The following CYP7B1 variants were observed in gnomAD, a reference collection of about 807,000 sequenced individuals.
CYP7B1 encodes cytochrome P450 family 7 subfamily B member 1.
A neutral mutation model predicts 42.7 loss-of-function variants in CYP7B1; 29 were observed. The observed-to-expected ratio is 0.68, with a 90% CI of 0.51 to 0.93. CYP7B1 has a LOEUF of 0.93. Among genes scored for constraint, CYP7B1 ranks in the 40% least tolerant of loss-of-function variants. The pLI is 0.00. For missense variants in CYP7B1, 655 were observed against 600.5 expected, an observed-to-expected ratio of 1.09 and a Z score of -0.95; for synonymous variants, 235 against 218.2, an observed-to-expected ratio of 1.08 and a Z score of -0.68.
intron 1 of CYP7B1, among the ~76,000 whole-genome samples, chr8:64,635,137 C>A (rs1805751602): frequency 6.6e-6 from 1 of 152,170 alleles, no homozygotes; most frequent in African/African-American, 2.4e-5. Context: ...TCAATTTTCC[C>A]CTTGTTGAGT....
At chr8:64,673,357 A>G (rs1806395352) in intron 1 of CYP7B1, among the ~76,000 whole-genome samples, 1 of 152,048 alleles carries the variant, frequency 6.6e-6, no homozygotes, top group Admixed American at 6.6e-5. Flanking sequence ...ATGGCTTCCC[A>G]TTGCCTCCAA....
At chr8:64,622,953 G>C (rs1455634332) in intron 2 of CYP7B1, among the ~76,000 whole-genome samples, 9 of 152,044 alleles carry the variant, frequency 5.9e-5, no homozygotes, top group Non-Finnish European at 8.8e-5. Context: ...GTGAGAGTGG[G>C]GAGTGAGACT....
chr8:64,717,003 AGT>A (rs1477630890), intron 1 of CYP7B1, among the ~76,000 whole-genome samples: 1 of 152,204 alleles, frequency 6.6e-6, no homozygotes. Flanking sequence ...TCTATCATAA[AGT>A]GTGTACACTT....
intron 1 of CYP7B1, among the ~76,000 whole-genome samples, chr8:64,717,689 C>CA (rs1375694905): frequency 1.3e-5 from 2 of 151,762 alleles, no homozygotes; most frequent in African/African-American, 2.4e-5. Flanking sequence ...TCTGTCTCTA[C>CA]AAAAAATACA....
At chr8:64,774,345 T>A (rs1804285810) in intron 1 of CYP7B1, among the ~76,000 whole-genome samples, 1 of 152,200 alleles carries the variant, frequency 6.6e-6, no homozygotes, top group Admixed American at 6.5e-5. Flanking sequence ...TAAATACTTG[T>A]TGACTTGAAC....
chr8:64,729,626 C>T lies in CYP7B1; in HGVS notation c.122+68840G>A, dbSNP rs920069463. 3.3e-5 allele frequency among the ~76,000 whole-genome samples: 5 copies of T among 152,198 alleles called. No individual in the cohort carries two copies. The South Asian group carries it at 6.2e-4, about 19-fold the overall frequency. On this transcript the variant is annotated intron_variant, in intron 1 of 5. Transcript: ENST00000310193. Reference sequence around the variant, plus strand: ...TTAAAACACCAGAAGACATTTTAAGCGTGAGATTTTTTCCCTTCATAAAAA... The same window carrying T: ...TTAAAACACCAGAAGACATTTTAAGTGTGAGATTTTTTCCCTTCATAAAAA...
intron 1 of CYP7B1, among the ~76,000 whole-genome samples, chr8:64,769,291 C>G (rs1317687777): frequency 6.6e-6 from 1 of 152,114 alleles, no homozygotes; most frequent in African/African-American, 2.4e-5. Context: ...CTACTTTTTT[C>G]TCCCCAGCCA....
At chr8:64,691,405 A>G (rs1806739641) in intron 1 of CYP7B1, among the ~76,000 whole-genome samples, 1 of 132,796 alleles carries the variant, frequency 7.5e-6, no homozygotes. Flanking sequence ...AGAAAAGCAC[A>G]GCTCCCACTG....
chr8:64,794,711 T>C (rs1804678119), intron 1 of CYP7B1, among the ~76,000 whole-genome samples: 1 of 152,178 alleles, frequency 6.6e-6, no homozygotes, highest in South Asian at 2.1e-4. Flanking sequence ...TTTCAACATA[T>C]GAATTTTAGA....
intron 2 of CYP7B1, among the ~76,000 whole-genome samples, chr8:64,623,704 A>G (rs1429672760): frequency 6.6e-6 from 1 of 152,136 alleles, no homozygotes; most frequent in Non-Finnish European, 1.5e-5. Context: ...TCTGAAGTGC[A>G]ATGAAAGTTT....
chr8:64,778,207 A>T (rs956941974), intron 1 of CYP7B1, among the ~76,000 whole-genome samples: 1 of 146,776 alleles, frequency 6.8e-6, no homozygotes, highest in African/African-American at 2.5e-5. Flanking sequence ...ATATGTATAC[A>T]CACATATATT....
rs922563445 is a variant in CYP7B1, at chr8:64,631,980, G to A, written c.123-7441C>T. ...TACACTATTGGTGGGACTCCAAAAT[G>A]GTGCAGCTGCTATGAAGAACAGTAT... On this transcript the variant is annotated intron_variant, in intron 1 of 5. Coordinates refer to ENST00000310193, the MANE Select transcript of CYP7B1 (RefSeq NM_004820.5). 3.9e-5 allele frequency among the ~76,000 whole-genome samples: 6 copies of A among 152,042 alleles called. No homozygotes were observed. The South Asian group carries it at 8.3e-4, about 21-fold the overall frequency.
At chr8:64,620,150 C>T (rs1805506230) in intron 2 of CYP7B1, among the ~76,000 whole-genome samples, 1 of 152,114 alleles carries the variant, frequency 6.6e-6, no homozygotes, top group African/African-American at 2.4e-5. Flanking sequence ...TATGCTACTG[C>T]ACTCCAGCCT....
intron 1 of CYP7B1, among the ~76,000 whole-genome samples, chr8:64,792,736 G>A (rs1038230777): frequency 6.6e-6 from 1 of 152,106 alleles, no homozygotes; most frequent in African/African-American, 2.4e-5. Flanking sequence ...ACAGATCCTC[G>A]CAAATACGTG....
chr8:64,644,730 C>T (rs953532819), intron 1 of CYP7B1, among the ~76,000 whole-genome samples: 1 of 152,090 alleles, frequency 6.6e-6, no homozygotes, highest in South Asian at 2.1e-4. Flanking sequence ...TTTCATTTAT[C>T]GTGCACATGT....
intron 1 of CYP7B1, among the ~76,000 whole-genome samples, chr8:64,648,669 T>C (rs1210627089): frequency 6.6e-6 from 1 of 152,244 alleles, no homozygotes. Flanking sequence ...GGCAACTTTG[T>C]AATAATTGTA....
intron 1 of CYP7B1, among the ~76,000 whole-genome samples, chr8:64,685,393 C>A (rs976333810): frequency 9.3e-6 from 1 of 107,568 alleles, no homozygotes; most frequent in Non-Finnish European, 1.9e-5. Flanking sequence ...CGTCTCCGCC[C>A]GGCCGCCATC....
intron 1 of CYP7B1, among the ~76,000 whole-genome samples, chr8:64,660,784 A>G (rs559143210): frequency 6.6e-6 from 1 of 152,352 alleles, no homozygotes; most frequent in African/African-American, 2.4e-5. Flanking sequence ...TAGCCTCACC[A>G]GGAGACATTT....
intron 1 of CYP7B1, among the ~76,000 whole-genome samples, chr8:64,788,633 G>C (rs1410627310): frequency 2.0e-5 from 3 of 151,954 alleles, no homozygotes; most frequent in Non-Finnish European, 2.9e-5. Context: ...ACCCTGAACT[G>C]GAATAATTGG....
Sources: allele counts gnomAD v4.1 joint callset (sites outside exome capture counted in the v4.1 genomes callset), GRCh38; gene constraint gnomAD v4.1.1; transcripts MANE v1.5; gene names NCBI Gene and HGNC (gene_info 2026-07-23, HGNC 2026-07-21).